NAA15: variants seen among roughly 807,000 people sequenced by gnomAD.
The protein encoded by NAA15 is N-alpha-acetyltransferase 15, NatA auxiliary subunit.
Under a neutral mutation model 114.0 loss-of-function variants are expected in NAA15, and 34 were observed. That is an observed-to-expected ratio of 0.30 (90% CI 0.23 to 0.40). NAA15 has a LOEUF of 0.40. Ranked by LOEUF, NAA15 falls within the 10% of genes least tolerant of loss-of-function variation. The pLI, the probability that NAA15 is intolerant of heterozygous loss-of-function variation, is 1.00. For missense variants in NAA15, 658 were observed against 1,004.5 expected (o/e 0.66, Z 4.66); for synonymous variants, 340 against 338.0 (o/e 1.01, Z -0.06).
At chr4:139,344,621 A>G (rs1340659349) in intron 6 of NAA15, among the ~76,000 whole-genome samples, 4 of 152,210 alleles carry the variant, frequency 2.6e-5, no homozygotes, top group Admixed American at 6.5e-5. Flanking sequence ...ATATTATGGA[A>G]TTTGATCAAA....
chr4:139,375,255 C>T (rs902107055), intron 15 of NAA15, among the ~76,000 whole-genome samples: 1 of 152,140 alleles, frequency 6.6e-6, no homozygotes, highest in Non-Finnish European at 1.5e-5. Flanking sequence ...TCTCTTGGTT[C>T]CTGAATCCAC....
chr4:139,380,608 ATTAG>A (rs1204935809), intron 17 of NAA15, among the ~76,000 whole-genome samples: 6 of 152,216 alleles, frequency 3.9e-5, no homozygotes, highest in African/African-American at 1.4e-4. Context: ...ATGATTAATA[ATTAG>A]TTAGAATTAC....
At chr4:139,347,562 C>T (rs1164114716) in intron 6 of NAA15, among the ~76,000 whole-genome samples, 3 of 152,186 alleles carry the variant, frequency 2.0e-5, no homozygotes, top group South Asian at 2.1e-4. Context: ...GGATTGCTTA[C>T]GCCCAAGTGG....
At chr4:139,309,058 C>A (rs374425973) in intron 1 of NAA15, among the ~76,000 whole-genome samples, 1 of 151,614 alleles carries the variant, frequency 6.6e-6, no homozygotes, top group African/African-American at 2.4e-5. Context: ...CTGTAAAAAT[C>A]GAGTGAGGGC....
chr4:139,348,695 T>C (rs926746609), intron 6 of NAA15, among the ~76,000 whole-genome samples: 18 of 152,200 alleles, frequency 1.2e-4, no homozygotes, highest in African/African-American at 3.9e-4. Context: ...CTCTCTCTCT[T>C]CATCTGGCTT....
At chr4:139,329,372 T>C (rs1458346960) in intron 1 of NAA15, among the ~76,000 whole-genome samples, 2 of 152,184 alleles carry the variant, frequency 1.3e-5, no homozygotes, top group Admixed American at 1.3e-4. Flanking sequence ...CTCTTAGGTG[T>C]CTAGATATTT....
chr4:139,313,514 A>C (rs976890996), intron 1 of NAA15, among the ~76,000 whole-genome samples: 1 of 151,766 alleles, frequency 6.6e-6, no homozygotes, highest in Non-Finnish European at 1.5e-5. Context: ...GCCAATACTT[A>C]ATGACTACAT....
At chr4:139,367,942 A>G (rs1338364002) in intron 14 of NAA15, among the ~76,000 whole-genome samples, 1 of 151,454 alleles carries the variant, frequency 6.6e-6, no homozygotes, top group Non-Finnish European at 1.5e-5. Context: ...CATATCCTTC[A>G]CTTCATTTTA....
chr4:139,303,274 CT>C (rs1745876357), intron 1 of NAA15, among the ~76,000 whole-genome samples: 1 of 152,072 alleles, frequency 6.6e-6, no homozygotes, highest in African/African-American at 2.4e-5. Flanking sequence ...CTTTTAAACC[CT>C]TAAAAAGACT....
intron 6 of NAA15, 88 bp downstream of exon 6, chr4:139,344,427 T>C: frequency 1.9e-6 from 2 of 1,075,520 alleles, no homozygotes; most frequent in Non-Finnish European, 1.3e-6. Context: ...CAGTTTCATA[T>C]AATTCAGCTT....
At chr4:139,343,090 G>C (rs1396510703) in intron 5 of NAA15, 130 bp downstream of exon 5, 2 of 753,908 alleles carry the variant, frequency 2.7e-6, no homozygotes, top group Non-Finnish European at 4.3e-6. Context: ...ATAGCACAAA[G>C]AACTCTACAT....
chr4:139,303,039 G>A (rs1359201914), intron 1 of NAA15, among the ~76,000 whole-genome samples: 1 of 152,182 alleles, frequency 6.6e-6, no homozygotes, highest in African/African-American at 2.4e-5. Flanking sequence ...GAACAACTCT[G>A]GGGATTCAGT....
intron 1 of NAA15, among the ~76,000 whole-genome samples, chr4:139,315,013 TAGG>T (rs1560952832): frequency 0.16 from 21,063 of 131,418 alleles, 3,133 homozygotes; most frequent in Non-Finnish European, 0.19. Flanking sequence ...TAGTTTAGGT[TAGG>T]TTAGGTTAGG....
chr4:139,306,603 T>G (rs11946719), intron 1 of NAA15, among the ~76,000 whole-genome samples: 50,573 of 148,490 alleles, frequency 0.34, 9,069 homozygotes, highest in East Asian at 0.61. Flanking sequence ...TCTGGTTTTT[T>G]TTTTGTTTTG....
rs1422049720 is a variant in NAA15, at chr4:139,359,827, T to A, written c.1342T>A (p.Cys448Ser). Residue 448 changes from cysteine (C) to serine (S), a missense_variant, in exon 12 of 20, where the codon TGT becomes AGT. Transcript: ENST00000296543. ...AGCAGACAGATTTATCAACTCCAAA[T>A]GTGCAAAATACATGCTAAAAGCCAA... is the stretch of plus-strand genomic sequence containing the variant. ...DTADRFINSKCAKYMLKANLI... is the reference protein window; with the variant it reads ...DTADRFINSKSAKYMLKANLI... 1 of 1,607,594 alleles carries A rather than the reference T, an allele frequency of 6.2e-7. No homozygotes were observed. Among genetic ancestry groups the A allele is most frequent in the African/African-American group, 1.3e-5 (1 of 74,630 alleles).
chr4:139,377,869 C>T (rs544595642), intron 16 of NAA15, among the ~76,000 whole-genome samples: 3 of 152,220 alleles, frequency 2.0e-5, no homozygotes, highest in South Asian at 4.1e-4. Context: ...TAAATGGAAC[C>T]CCAAAGTATA....
chr4:139,320,674 C>T (rs1421066089), intron 1 of NAA15, among the ~76,000 whole-genome samples: 2 of 152,210 alleles, frequency 1.3e-5, no homozygotes, highest in Non-Finnish European at 2.9e-5. Context: ...GCGCATGCCA[C>T]CACGCCTGGC....
intron 15 of NAA15, among the ~76,000 whole-genome samples, chr4:139,373,612 G>A (rs547069685): frequency 1.6e-4 from 25 of 152,082 alleles, no homozygotes; most frequent in African/African-American, 6.0e-4. Context: ...TTACCATGAG[G>A]CATTAGTTGG....
At chr4:139,350,965 G>A (rs1747761111) in intron 7 of NAA15, among the ~76,000 whole-genome samples, 1 of 152,002 alleles carries the variant, frequency 6.6e-6, no homozygotes, top group Admixed American at 6.5e-5. Context: ...GGTTTTAAAA[G>A]CCTACCTAAA....
Sources: gnomAD v4.1 joint callset for allele counts (sites outside exome capture counted in the v4.1 genomes callset) on GRCh38, gnomAD v4.1.1 for gene constraint, MANE v1.5 for transcripts, NCBI Gene and HGNC (gene_info 2026-07-23, HGNC 2026-07-21) for gene names.